Variants in PPIL2 observed in about 807,000 individuals in gnomAD.
PPIL2 encodes RING-type E3 ubiquitin-protein ligase PPIL2.
A neutral mutation model predicts 75.2 loss-of-function variants in PPIL2; 50 were observed. The ratio of observed to expected loss-of-function variants is 0.66; its 90% confidence interval spans 0.53 to 0.84. The LOEUF is 0.84. Ranked by LOEUF, PPIL2 falls within the 40% of genes least tolerant of loss-of-function variation. The pLI is 0.00. For synonymous variants in PPIL2, 245 were observed against 258.8 expected (o/e 0.95, Z 0.51); for missense variants, 590 against 685.0 (o/e 0.86, Z 1.55).
At chr22:21,679,216 T>C (rs1471304944) in intron 6 of PPIL2, among the ~76,000 whole-genome samples, 1 of 151,982 alleles carries the variant, frequency 6.6e-6, no homozygotes, top group Non-Finnish European at 1.5e-5. Flanking sequence ...TTTTAATTTT[T>C]ATTTTTGTAG....
At chr22:21,692,874 C>G (rs971301405) in intron 15 of PPIL2, among the ~76,000 whole-genome samples, 3 of 149,980 alleles carry the variant, frequency 2.0e-5, no homozygotes, top group Non-Finnish European at 4.4e-5. Flanking sequence ...TGCAGTGAAC[C>G]GACATCGCGC....
chr22:21,676,370 CT>C (rs1046398321), intron 6 of PPIL2, among the ~76,000 whole-genome samples: 1,484 of 136,680 alleles, frequency 0.011, 21 homozygotes, highest in African/African-American at 0.037. Context: ...CTCCAAACCT[CT>C]TTTTTTTTTT....
At chr22:21,667,990 C>T (rs1003370500) in intron 1 of PPIL2, among the ~76,000 whole-genome samples, 7 of 151,368 alleles carry the variant, frequency 4.6e-5, no homozygotes, top group Non-Finnish European at 8.9e-5. Flanking sequence ...TTGGTCAGGC[C>T]GGTCTCGAAC....
intron 1 of PPIL2, among the ~76,000 whole-genome samples, chr22:21,669,630 G>T (rs533303792): frequency 1.3e-5 from 2 of 152,288 alleles, no homozygotes; most frequent in South Asian, 4.1e-4. Flanking sequence ...CTCCCGAGTA[G>T]CTGGGATTAC....
At chr22:21,689,161 C>T (rs939724396) in intron 15 of PPIL2, among the ~76,000 whole-genome samples, 1 of 152,148 alleles carries the variant, frequency 6.6e-6, no homozygotes, top group African/African-American at 2.4e-5. Flanking sequence ...TGGGGGAGGT[C>T]AGCGTGTGGG....
In PPIL2 at chr22:21,694,806, G is replaced by A; in HGVS notation, c.1321G>A (p.Ala441Thr). Residue 441 changes from alanine (A) to threonine (T), a missense_variant, in exon 18 of 20, where the codon GCC becomes ACC. Ala to Thr is a moderately conservative substitution (Grantham distance 58). Coordinates refer to ENST00000398831, the MANE Select transcript of PPIL2 (RefSeq NM_014337.4). ...TTVFVDPYEE[A>T]DAQIAQERKT... Reference sequence around the variant, plus strand: ...AGTGTTCGTGGACCCCTATGAGGAGGCCGATGCCCAGGTGAGGGGGCACGA... The same window carrying A: ...AGTGTTCGTGGACCCCTATGAGGAGACCGATGCCCAGGTGAGGGGGCACGA... 6.2e-7 allele frequency: 1 copy of A among 1,602,556 alleles called. No homozygotes were observed. The highest frequency in any genetic ancestry group is 2.2e-5 in the East Asian group (1 of 44,664).
At position 21,672,234 on chromosome 22, in the gene PPIL2, G is replaced by T. The variant is rs1021256599; in HGVS notation, c.192-96G>T. 3.8e-6 allele frequency: 4 copies of T among 1,039,046 alleles called. No individual in the cohort carries two copies. The African/African-American group carries it at 4.7e-5, about 12-fold the overall frequency. 64.4% of individuals were successfully genotyped at this position (1,039,046 alleles called of 1,614,324 possible). The stretch of plus-strand genomic sequence containing the variant: ...AAAGTGAAGCAAGACCCCTTCACAG[G>T]CCTCTAACCTGGAAGCAGCCCTGCA... On this transcript the variant is annotated intron_variant, in intron 4 of 19. Coordinates refer to ENST00000398831, the MANE Select transcript of PPIL2 (RefSeq NM_014337.4).
chr22:21,686,358 G>A, intron 10 of PPIL2, 125 bp from the exon 11 acceptor site: 2 of 885,206 alleles, frequency 2.3e-6, no homozygotes, highest in Non-Finnish European at 3.6e-6. Context: ...CCCTCCTGGA[G>A]GAGAGGCACC....
chr22:21,670,348 A>G, intron 2 of PPIL2: 1 of 1,509,902 alleles, frequency 6.6e-7, no homozygotes, highest in Non-Finnish European at 8.8e-7. Flanking sequence ...CATAATTTTA[A>G]TGGAAGTAAA....
intron 14 of PPIL2, among the ~76,000 whole-genome samples, 185 bp downstream of exon 14, chr22:21,688,291 T>C (rs1368139916): frequency 6.6e-6 from 1 of 152,218 alleles, no homozygotes; most frequent in African/African-American, 2.4e-5. Flanking sequence ...TCCAGGTGGC[T>C]GTGAGGCCTG....
rs780720717 is a variant in PPIL2, at chr22:21,666,143, C to G, written c.32+12C>G. The G allele has an allele frequency of 5.0e-6, 8 of 1,611,602 alleles. No homozygotes were observed. In the East Asian group the frequency reaches 1.6e-4, roughly 31 times the overall value. On this transcript the variant is annotated intron_variant, in intron 1 of 19. Transcript: ENST00000398831. ...CAAAAGGACAAAATGTAAGTTGAGC[C>G]GCAGTCGGGAGCGGCGCTCCACTCT...
chr22:21,694,022 G>A (rs1339277100), intron 16 of PPIL2, 150 bp downstream of exon 16: 8 of 884,496 alleles, frequency 9.0e-6, no homozygotes, highest in Non-Finnish European at 1.1e-5. Flanking sequence ...GCAGAGCTGC[G>A]ATGGAGGGTG....
At chr22:21,692,037 G>A (rs898310724) in intron 15 of PPIL2, among the ~76,000 whole-genome samples, 3 of 149,490 alleles carry the variant, frequency 2.0e-5, no homozygotes, top group Non-Finnish European at 3.0e-5. Flanking sequence ...TGCCGCCAGC[G>A]CCGGGACCCA....
Position 21,682,439 on chromosome 22 carries a change from A to G in PPIL2, c.390A>G (p.Ala130=). The G allele has an allele frequency of 6.2e-7, 1 of 1,613,714 alleles. No homozygotes were observed. Among genetic ancestry groups the G allele is most frequent in the African/African-American group, 1.3e-5 (1 of 75,012 alleles). The change falls in exon 8 of 20, where the codon GCA becomes GCG. Residue 130 remains alanine, a splice_region_variant and synonymous_variant. Transcript: ENST00000398831. ...RTTGNVYAYE[A]VEQLNIKAKN... ...AAACCACTTCCTCCTGGCTATAGGC[A>G]GTGGAACAGCTAAATATCAAGGCCA...
At chr22:21,698,843 C>T (rs1390928543), downstream of PPIL2, 1 of 152,494 alleles carries the variant, frequency 6.6e-6, no homozygotes, top group Non-Finnish European at 1.5e-5. Context: ...ACAGGATGTG[C>T]TGGGCCAGCC....
At chr22:21,680,358 C>T (rs2067059567) in intron 6 of PPIL2, among the ~76,000 whole-genome samples, 2 of 152,214 alleles carry the variant, frequency 1.3e-5, no homozygotes, top group South Asian at 4.1e-4. Context: ...GAAACACTGT[C>T]TCTACTAAAA....
At chr22:21,689,554 C>T (rs1024047369) in intron 15 of PPIL2, among the ~76,000 whole-genome samples, 1 of 152,134 alleles carries the variant, frequency 6.6e-6, no homozygotes, top group Non-Finnish European at 1.5e-5. Flanking sequence ...TATATCTAGC[C>T]ACTTTAACAA....
rs1362483775 is a variant in PPIL2, at chr22:21,666,037, T to G, written c.-63T>G. 3.8e-6 allele frequency: 6 copies of G among 1,583,560 alleles called. No individual in the cohort carries two copies. The stretch of plus-strand genomic sequence containing the variant: ...AGTGGTCACGGAACTCGGCTGCGGC[T>G]CCATGGTCTGAGTTGTCAGCCGTTG... On this transcript the variant is annotated 5_prime_UTR_variant, in exon 1 of 20. Transcript: ENST00000398831.
Position 21,696,644 on chromosome 22 carries a change from G to A in PPIL2, c.*1154G>A. The A allele has an allele frequency of 1.3e-6, 2 of 1,515,124 alleles. No individual in the cohort carries two copies. Among genetic ancestry groups the A allele is most frequent in the South Asian group, 1.3e-5 (1 of 79,792 alleles). The allele number at this position is 1,515,124 out of a possible 1,614,324, so 93.9% of individuals were successfully genotyped here. On this transcript the variant is annotated 3_prime_UTR_variant, in exon 20 of 20. Transcript: ENST00000398831. Reference sequence around the variant, plus strand: ...ACACTTGCCTCTTGGGCTCCCTGTTGCCCTCAGGCCACCCCCCACTTCTAG... The same window carrying A: ...ACACTTGCCTCTTGGGCTCCCTGTTACCCTCAGGCCACCCCCCACTTCTAG...
Sources: gnomAD v4.1 joint callset for allele counts (sites outside exome capture counted in the v4.1 genomes callset) on GRCh38, gnomAD v4.1.1 for gene constraint, MANE v1.5 for transcripts, NCBI Gene and HGNC (gene_info 2026-07-23, HGNC 2026-07-21) for gene names.